The following CBLN2 variants were observed in gnomAD, a reference collection of about 807,000 sequenced individuals.
CBLN2 encodes cerebellin 2 precursor.
A neutral mutation model predicts 15.0 loss-of-function variants in CBLN2; 7 were observed. The observed-to-expected ratio is 0.47, with a 90% CI of 0.27 to 0.88. The LOEUF is 0.88. Ranked by LOEUF, CBLN2 falls within the 40% of genes least tolerant of loss-of-function variation. The probability of loss-of-function intolerance (pLI) is 0.14; values close to 1 mark genes in which losing one functional copy is unlikely to be tolerated. For missense variants in CBLN2, 242 were observed against 304.5 expected (o/e 0.79, Z 1.53); for synonymous variants, 149 against 135.2 (o/e 1.10, Z -0.71).
chr18:72,541,663 G>A (rs1223504), intron 3 of CBLN2, 141 bp downstream of exon 3: 1 of 615,490 alleles, frequency 1.6e-6, no homozygotes, highest in Non-Finnish European at 2.7e-6. Context: ...CTATGAAACG[G>A]GAGGAAAGAG....
At chr18:72,548,551 T>C (rs1286136639), upstream of CBLN2, among the ~76,000 whole-genome samples, 1 of 152,214 alleles carries the variant, frequency 6.6e-6, no homozygotes. Context: ...GGATCCGTTC[T>C]TCTGATGTAA....
chr18:72,565,651 A>G (rs2069290028), intron 1 of CBLN2, among the ~76,000 whole-genome samples: 1 of 152,198 alleles, frequency 6.6e-6, no homozygotes, highest in Non-Finnish European at 1.5e-5. Flanking sequence ...ACAAATAAGA[A>G]AGAGAAGGGA....
At chr18:72,555,824 A>C (rs1381106145) in intron 1 of CBLN2, among the ~76,000 whole-genome samples, 1 of 152,174 alleles carries the variant, frequency 6.6e-6, no homozygotes, top group African/African-American at 2.4e-5. Flanking sequence ...CTTACAGAGA[A>C]AGTCAGTAAT....
chr18:72,624,558 T>G (rs1387820477), intron 1 of CBLN2, among the ~76,000 whole-genome samples: 1 of 152,130 alleles, frequency 6.6e-6, no homozygotes, highest in Non-Finnish European at 1.5e-5. Context: ...AATAATTACT[T>G]GAACCCAGGA....
chr18:72,615,692 G>A (rs542893603), intron 1 of CBLN2, among the ~76,000 whole-genome samples: 1 of 152,118 alleles, frequency 6.6e-6, no homozygotes, highest in Non-Finnish European at 1.5e-5. Context: ...TTAAGCATTT[G>A]TTTTGTTTTT....
At chr18:72,549,681 T>C (rs1183159865) in intron 1 of CBLN2, among the ~76,000 whole-genome samples, 2 of 152,232 alleles carry the variant, frequency 1.3e-5, no homozygotes, top group Non-Finnish European at 2.9e-5. Context: ...ATACTTTTTT[T>C]CACCTGTCTA....
intron 1 of CBLN2, among the ~76,000 whole-genome samples, chr18:72,604,602 G>T (rs1200550173): frequency 6.6e-6 from 1 of 152,166 alleles, no homozygotes; most frequent in Non-Finnish European, 1.5e-5. Flanking sequence ...TTTTAGAGAT[G>T]ATTGAATCAT....
At position 72,575,810 on chromosome 18, in the gene CBLN2, C is replaced by T. The variant is rs1046718365; in HGVS notation, c.16-37038G>A. On this transcript the variant is annotated intron_variant, in intron 1 of 2. Transcript: ENST00000581073. The stretch of plus-strand genomic sequence containing the variant: ...AAGAGAACGGGAGATGTGCGGTGAC[C>T]TGATTGGCTGAGTAATCATCCCTAG... 7.4e-4 allele frequency among the ~76,000 whole-genome samples: 7 copies of T among 9,512 alleles called. No homozygotes were observed. The Non-Finnish European group carries it at 0.031, about 42-fold the overall frequency. The allele number at this position is 9,512 out of a possible 152,430, so 6.2% of individuals were successfully genotyped here.
chr18:72,553,375 A>G (rs749277001), intron 1 of CBLN2, among the ~76,000 whole-genome samples: 2 of 152,194 alleles, frequency 1.3e-5, no homozygotes, highest in Admixed American at 1.3e-4. Context: ...TTTTGTGGGC[A>G]TAAACAGAAA....
At chr18:72,590,152 C>G (rs2069470590) in intron 1 of CBLN2, among the ~76,000 whole-genome samples, 1 of 152,178 alleles carries the variant, frequency 6.6e-6, no homozygotes, top group Admixed American at 6.5e-5. Flanking sequence ...GTAGTCCCAG[C>G]TACTCAGGAG....
At chr18:72,576,373 T>C (rs987823483) in intron 1 of CBLN2, among the ~76,000 whole-genome samples, 1 of 152,164 alleles carries the variant, frequency 6.6e-6, no homozygotes, top group Non-Finnish European at 1.5e-5. Flanking sequence ...TTGCACCAAA[T>C]AGAGGTCAGA....
chr18:72,555,121 C>T (rs566477741), intron 1 of CBLN2, among the ~76,000 whole-genome samples: 117 of 148,542 alleles, frequency 7.9e-4, no homozygotes, highest in African/African-American at 2.6e-3. Context: ...GGTGACAGAA[C>T]GAGATTCTGT....
chr18:72,591,852 G>A (rs2069481891), intron 1 of CBLN2, among the ~76,000 whole-genome samples: 1 of 152,122 alleles, frequency 6.6e-6, no homozygotes, highest in Non-Finnish European at 1.5e-5. Context: ...TGGCAGAATG[G>A]TACTCCATTG....
At chr18:72,583,921 C>T (rs1181197024) in intron 1 of CBLN2, among the ~76,000 whole-genome samples, 1 of 152,196 alleles carries the variant, frequency 6.6e-6, no homozygotes, top group Non-Finnish European at 1.5e-5. Flanking sequence ...TCATTAAGCT[C>T]CTGTTCTGTG....
At chr18:72,587,180 G>T (rs74602980) in intron 1 of CBLN2, among the ~76,000 whole-genome samples, 1 of 151,758 alleles carries the variant, frequency 6.6e-6, no homozygotes, top group Admixed American at 6.6e-5. Flanking sequence ...TCCTGAAATC[G>T]GTTTGGCATG....
Position 72,611,492 on chromosome 18 carries a change from A to T in CBLN2, c.15+26833T>A, listed in dbSNP as rs571894527. Among the ~76,000 whole-genome samples the T allele has an allele frequency of 2.6e-5, 4 of 152,214 alleles. No homozygotes were observed. In the South Asian group the frequency reaches 6.2e-4, roughly 24 times the overall value. On this transcript the variant is annotated intron_variant, in intron 1 of 2. Coordinates refer to the CBLN2 transcript ENST00000581073. Reference sequence around the variant, plus strand: ...GGTTTTTATTTACATTTCTGCAATGATTAGTGATGTGGAGCATTTTTTCAT... The same window carrying T: ...GGTTTTTATTTACATTTCTGCAATGTTTAGTGATGTGGAGCATTTTTTCAT...
intron 1 of CBLN2, chr18:72,618,231 G>C: frequency 4.0e-6 from 1 of 249,674 alleles, no homozygotes; most frequent in South Asian, 8.1e-5. Flanking sequence ...ACGCTGCCAA[G>C]GAAGCATTGT....
chr18:72,577,234 T>C (rs1198312244), intron 1 of CBLN2, among the ~76,000 whole-genome samples: 2 of 151,562 alleles, frequency 1.3e-5, no homozygotes, highest in African/African-American at 4.8e-5. Context: ...ACAATGGTTA[T>C]CTGTAGGGCA....
At chr18:72,592,110 C>A (rs572065324) in intron 1 of CBLN2, among the ~76,000 whole-genome samples, 1 of 152,166 alleles carries the variant, frequency 6.6e-6, no homozygotes, top group African/African-American at 2.4e-5. Flanking sequence ...AATTTATATT[C>A]TGACAAGTAG....
Sources: gnomAD v4.1 joint callset for allele counts (sites outside exome capture counted in the v4.1 genomes callset) on GRCh38, gnomAD v4.1.1 for gene constraint, MANE v1.5 for transcripts, NCBI Gene and HGNC (gene_info 2026-07-23, HGNC 2026-07-21) for gene names.